SEPTIN11: variants seen among roughly 807,000 people sequenced by gnomAD.
SEPTIN11 encodes septin-11.
In SEPTIN11, 25 loss-of-function variants were observed where a neutral mutation model predicts 51.4. The ratio of observed to expected loss-of-function variants is 0.49; its 90% CI spans 0.35 to 0.68. The LOEUF (loss-of-function observed/expected upper bound fraction) is 0.68. Ranked by LOEUF, SEPTIN11 falls within the 30% of genes least tolerant of loss-of-function variation. The probability of loss-of-function intolerance (pLI) is 0.00; values close to 1 mark genes in which losing one functional copy is unlikely to be tolerated. For synonymous variants in SEPTIN11, 174 were observed against 184.1 expected (o/e 0.95, Z 0.44); for missense variants, 381 against 520.8 (o/e 0.73, Z 2.61).
At chr4:77,029,597 GGGGATGCT>G (rs1726447241) in intron 8 of SEPTIN11, among the ~76,000 whole-genome samples, 1 of 152,092 alleles carries the variant, frequency 6.6e-6, no homozygotes, top group African/African-American at 2.4e-5. Flanking sequence ...CAAGAACCAA[GGGGATGCT>G]GGGTAAAAAA....
chr4:77,035,272 A>G lies in SEPTIN11; in HGVS notation c.*760A>G. 1.1e-5 allele frequency: 11 copies of G among 985,380 alleles called. No individual in the cohort carries two copies. Among genetic ancestry groups the G allele is most frequent in the Non-Finnish European group, 1.3e-5 (11 of 829,914 alleles). 61.0% of individuals were successfully genotyped at this position (985,380 alleles called of 1,614,324 possible). A position where few individuals can be genotyped will look rare whatever the true frequency, so the allele number is the denominator to read the frequency against. ...GGTCTTAAAGGTTGGATCATGTAAC[A>G]TTGCTTAGTAGAAGAATCTTCTTCT... On this transcript the variant is annotated 3_prime_UTR_variant, in exon 10 of 10. Coordinates refer to ENST00000264893, the MANE Select transcript of SEPTIN11 (RefSeq NM_018243.4).
At chr4:77,008,498 AACAG>A (rs1724640940) in intron 3 of SEPTIN11, among the ~76,000 whole-genome samples, 2 of 152,374 alleles carry the variant, frequency 1.3e-5, no homozygotes, top group South Asian at 4.1e-4. Context: ...AAAATTGGCT[AACAG>A]ACAGCAAGAT....
intron 1 of SEPTIN11, among the ~76,000 whole-genome samples, chr4:76,952,889 T>G (rs1270533739): frequency 6.6e-6 from 1 of 152,228 alleles, no homozygotes; most frequent in African/African-American, 2.4e-5. Flanking sequence ...ATTATCTTTA[T>G]TTTAAACAGA....
Position 77,037,431 on chromosome 4 carries a change from A to G in SEPTIN11, c.*2919A>G. The G allele has an allele frequency of 1.0e-6, 1 of 985,322 alleles. No individual in the cohort carries two copies. Among genetic ancestry groups the G allele is most frequent in the Non-Finnish European group, 1.2e-6 (1 of 829,874 alleles). The allele number at this position is 985,322 out of a possible 1,614,324, so 61.0% of individuals were successfully genotyped here. A position where few individuals can be genotyped will look rare whatever the true frequency, so the allele number is the denominator to read the frequency against. ...TCATGGGCATCATTGGATAGCTCAGAGGGCCCTTGATTCTGGCAAGGCAAA... is the reference window on the plus strand; with the variant it reads ...TCATGGGCATCATTGGATAGCTCAGGGGGCCCTTGATTCTGGCAAGGCAAA... On this transcript the variant is annotated 3_prime_UTR_variant, in exon 10 of 10. Transcript: ENST00000264893.
At chr4:76,973,451 A>C (rs1415914605) in intron 1 of SEPTIN11, among the ~76,000 whole-genome samples, 1 of 152,206 alleles carries the variant, frequency 6.6e-6, no homozygotes, top group Non-Finnish European at 1.5e-5. Flanking sequence ...GCGCAGCACA[A>C]GGGAGGCAGC....
intron 1 of SEPTIN11, among the ~76,000 whole-genome samples, chr4:76,969,812 C>T (rs1722168717): frequency 6.6e-6 from 1 of 152,142 alleles, no homozygotes. Flanking sequence ...ATTTCTAGCC[C>T]TTTTCTGACT....
chr4:77,013,968 T>A (rs532965965), intron 4 of SEPTIN11, among the ~76,000 whole-genome samples: 1 of 152,302 alleles, frequency 6.6e-6, no homozygotes, highest in East Asian at 1.9e-4. Context: ...ATTTAAGAAA[T>A]GTGTCCTGTG....
intron 1 of SEPTIN11, among the ~76,000 whole-genome samples, chr4:76,956,989 TGTGTGA>T (rs1444767492): frequency 2.0e-3 from 281 of 141,242 alleles, no homozygotes; most frequent in African/African-American, 7.3e-3. Flanking sequence ...TGTGTGTGTG[TGTGTGA>T]GAGAGAGAGA....
rs554802921 is a variant in SEPTIN11, at chr4:77,017,064, G to A, written c.687+2047G>A. ...AAGGTCAAAATCTCAAACTGAGATG[G>A]CACTCCTTTATTCTGCTGTAGAACT... is the stretch of plus-strand genomic sequence containing the variant. On this transcript the variant is annotated intron_variant, in intron 5 of 9. Transcript: ENST00000264893. Among the ~76,000 whole-genome samples, 186 of 152,190 alleles carry A rather than the reference G, an allele frequency of 1.2e-3. No homozygotes were observed. In the Middle Eastern group the frequency reaches 0.034, roughly 28 times the overall value.
Position 77,008,930 on chromosome 4 carries a change from T to C in SEPTIN11, c.339-2805T>C, listed in dbSNP as rs114438979. Among the ~76,000 whole-genome samples, 737 of 152,348 alleles carry C rather than the reference T, an allele frequency of 4.8e-3. 7 individuals carry two copies. Among genetic ancestry groups the C allele is most frequent in the African/African-American group, 0.017 (702 of 41,566 alleles). On this transcript the variant is annotated intron_variant, in intron 3 of 9. Transcript: ENST00000264893. ...AAGTTGGGATTAAGCTTCCTATCTT[T>C]CTCACTTTAGATGGAGAAGTGGAAA...
chr4:77,029,563 T>C (rs1221582813), intron 8 of SEPTIN11, among the ~76,000 whole-genome samples: 2 of 152,140 alleles, frequency 1.3e-5, no homozygotes, highest in Non-Finnish European at 1.5e-5. Context: ...GCAGAGAAAG[T>C]TGAGCCTTAT....
rs532629806 is a variant in SEPTIN11, at chr4:77,031,299, T to C, written c.1274+329T>C. The stretch of plus-strand genomic sequence containing the variant: ...CAGCACCCTCTGAAGACAATTCTCA[T>C]GACTCTTGATAGAGAGCATCCTAAA... On this transcript the variant is annotated intron_variant, in intron 9 of 9. Coordinates refer to ENST00000264893, the MANE Select transcript of SEPTIN11 (RefSeq NM_018243.4). 82 of 204,402 alleles carry C rather than the reference T, an allele frequency of 4.0e-4. 2 individuals carry two copies. The highest frequency in any genetic ancestry group is 1.9e-3 in the African/African-American group (81 of 43,404). 12.7% of individuals were successfully genotyped at this position (204,402 alleles called of 1,614,324 possible). A position where few individuals can be genotyped will look rare whatever the true frequency, so the allele number is the denominator to read the frequency against.
intron 2 of SEPTIN11, among the ~76,000 whole-genome samples, chr4:76,998,896 A>C (rs1156435494): frequency 6.6e-6 from 1 of 152,052 alleles, no homozygotes; most frequent in Non-Finnish European, 1.5e-5. Flanking sequence ...GCCTGGGGGG[A>C]AGATGGAGTC....
chr4:76,990,821 T>G (rs1470239713), intron 1 of SEPTIN11, among the ~76,000 whole-genome samples: 1 of 152,212 alleles, frequency 6.6e-6, no homozygotes, highest in Non-Finnish European at 1.5e-5. Flanking sequence ...AAGTGGTGCA[T>G]GACTGCAGAA....
chr4:76,957,755 C>T (rs143265887), intron 1 of SEPTIN11, among the ~76,000 whole-genome samples: 57 of 152,234 alleles, frequency 3.7e-4, no homozygotes, highest in African/African-American at 1.1e-3. Context: ...ACCTTAGAGG[C>T]ACGGATCAAG....
intron 3 of SEPTIN11, among the ~76,000 whole-genome samples, chr4:77,008,560 A>G (rs560923648): frequency 6.6e-6 from 1 of 152,378 alleles, no homozygotes; most frequent in South Asian, 2.1e-4. Flanking sequence ...GTGGAAAGTC[A>G]GTCCCTGAAT....
intron 1 of SEPTIN11, among the ~76,000 whole-genome samples, chr4:76,967,318 A>C (rs919480319): frequency 1.3e-5 from 2 of 152,234 alleles, no homozygotes; most frequent in African/African-American, 2.4e-5. Context: ...GTTAAGCTTC[A>C]ATTAGGTTCC....
intron 7 of SEPTIN11, among the ~76,000 whole-genome samples, chr4:77,026,558 T>C (rs1387883155): frequency 1.3e-5 from 2 of 152,194 alleles, no homozygotes; most frequent in Non-Finnish European, 2.9e-5. Context: ...ACTGTGAATC[T>C]GCTAAAAGGA....
intron 1 of SEPTIN11, among the ~76,000 whole-genome samples, chr4:76,950,919 G>C (rs1324344539): frequency 6.6e-6 from 1 of 152,170 alleles, no homozygotes; most frequent in African/African-American, 2.4e-5. Flanking sequence ...CCTTTTCATC[G>C]TCGATGTTCA....
Sources: gnomAD v4.1 joint callset for allele counts (sites outside exome capture counted in the v4.1 genomes callset) on GRCh38, gnomAD v4.1.1 for gene constraint, MANE v1.5 for transcripts, NCBI Gene and HGNC (gene_info 2026-07-23, HGNC 2026-07-21) for gene names.